The following RBM27 variants were observed in gnomAD, a reference collection of about 807,000 sequenced individuals.
RBM27 encodes RNA binding motif protein 27.
In RBM27, 22 loss-of-function variants were observed where a neutral mutation model predicts 135.3. That is an observed-to-expected ratio of 0.16 (90% CI 0.12 to 0.23). RBM27 has a LOEUF of 0.23. RBM27 is among the 10% of genes least tolerant of loss of function. RBM27 has a pLI of 1.00. For missense variants in RBM27, 1,009 were observed against 1,281.0 expected, an observed-to-expected ratio of 0.79 and a Z score of 3.24; for synonymous variants, 481 against 442.4, an observed-to-expected ratio of 1.09 and a Z score of -1.10.
In RBM27 at chr5:146,214,736, C is replaced by T. The variant is rs147479106; in HGVS notation, c.60-4249C>T. Among the ~76,000 whole-genome samples, 601 of 152,260 alleles carry T rather than the reference C, an allele frequency of 3.9e-3. 3 individuals carry two copies. Among genetic ancestry groups the T allele is most frequent in the Non-Finnish European group, 7.3e-3 (497 of 68,010 alleles). On this transcript the variant is annotated intron_variant, in intron 1 of 20. Coordinates refer to ENST00000265271, the MANE Select transcript of RBM27 (RefSeq NM_018989.2). ...TTTAGACTTATAATTTTCTTCAGAG[C>T]GTACTTTATGGATACATGTTAGGAG...
intron 1 of RBM27, among the ~76,000 whole-genome samples, chr5:146,217,661 G>A (rs1420420276): frequency 6.6e-6 from 1 of 151,690 alleles, no homozygotes; most frequent in African/African-American, 2.4e-5. Flanking sequence ...TATAGAACAA[G>A]ATTAGTTAGA....
chr5:146,232,241 T>A (rs550802617), intron 6 of RBM27, among the ~76,000 whole-genome samples: 1 of 152,306 alleles, frequency 6.6e-6, no homozygotes, highest in African/African-American at 2.4e-5. Flanking sequence ...ATGCATACGT[T>A]TTTACATTTT....
At chr5:146,235,108 C>T (rs1249727833) in intron 7 of RBM27, among the ~76,000 whole-genome samples, 1 of 150,552 alleles carries the variant, frequency 6.6e-6, no homozygotes, top group African/African-American at 2.4e-5. Flanking sequence ...AGAAATATTG[C>T]TGTTCAGTTT....
At position 146,271,511 on chromosome 5, in the gene RBM27, G is replaced by A; in HGVS notation, c.2825G>A (p.Gly942Asp). ...GCACGGTTAGGTATTTTACCTGTGG[G>A]TCGAGGAAAGACCATGTCCTCTCAA... is the stretch of plus-strand genomic sequence containing the variant. The part of the protein sequence containing the change: ...EAARLGILPV[G>D]RGKTMSSQGR... Residue 942 changes from glycine (G) to aspartate (D), a missense_variant, in exon 19 of 21, where the codon GGT becomes GAT. Coordinates refer to ENST00000265271, the MANE Select transcript of RBM27 (RefSeq NM_018989.2). 1 of 1,613,418 alleles carries A rather than the reference G, an allele frequency of 6.2e-7. No homozygotes were observed. Among genetic ancestry groups the A allele is most frequent in the Non-Finnish European group, 8.5e-7 (1 of 1,179,552 alleles).
rs145089905 is a variant in RBM27, at chr5:146,281,375, A to ATGTC, written c.2989-3245_2989-3242dup. On this transcript the variant is annotated intron_variant, in intron 19 of 20. Transcript: ENST00000265271. ...GAATCAGTAACATATATTAAATAAG[A>ATGTC]TGTCTTTCAACAGAAACACATAAAA... Among the ~76,000 whole-genome samples, 1,313 of 152,266 alleles carry ATGTC rather than the reference A, an allele frequency of 8.6e-3. 21 individuals are homozygous for ATGTC. Among genetic ancestry groups the ATGTC allele is most frequent in the African/African-American group, 0.029 (1,191 of 41,550 alleles).
chr5:146,259,336 A>AG (rs1410162215), intron 11 of RBM27, among the ~76,000 whole-genome samples: 1 of 150,892 alleles, frequency 6.6e-6, no homozygotes, highest in Admixed American at 6.6e-5. Flanking sequence ...ACCAAAATGG[A>AG]GAAAGCCAAA....
chr5:146,253,515 A>T (rs1222741943), intron 9 of RBM27, among the ~76,000 whole-genome samples: 1 of 152,032 alleles, frequency 6.6e-6, no homozygotes, highest in Non-Finnish European at 1.5e-5. Context: ...TAATCTAGTG[A>T]TGCCTTTTTT....
intron 19 of RBM27, among the ~76,000 whole-genome samples, chr5:146,276,455 C>T (rs186912273): frequency 1.3e-5 from 2 of 152,256 alleles, no homozygotes; most frequent in East Asian, 3.9e-4. Context: ...CCTCTAATGT[C>T]TCACTCCTGT....
intron 8 of RBM27, among the ~76,000 whole-genome samples, chr5:146,242,939 A>C (rs1050120951): frequency 6.6e-6 from 1 of 152,050 alleles, no homozygotes; most frequent in Admixed American, 6.6e-5. Context: ...ATTTCTAATA[A>C]GTTTTTAATA....
chr5:146,280,134 C>T (rs1030085160), intron 19 of RBM27, among the ~76,000 whole-genome samples: 1 of 151,868 alleles, frequency 6.6e-6, no homozygotes, highest in Non-Finnish European at 1.5e-5. Context: ...TCTCAGCTCA[C>T]TGCAACCTCC....
chr5:146,228,954 G>A lies in RBM27; in HGVS notation c.312G>A (p.Gln104=), dbSNP rs1312205388. Residue 104 remains glutamine (Q), a synonymous_variant, in exon 4 of 21, where the codon CAG becomes CAA. Transcript: ENST00000265271. ...TCAATATTTTCATATAGGTATTTCA[G>A]GAGCCAGCAGAGGAAGAACGAGATG... The part of the protein sequence containing the change: ...EKEEIKEEVF[Q]EPAEEERDGR... The A allele has an allele frequency of 6.2e-7, 1 of 1,612,788 alleles. No homozygotes were observed. The highest frequency in any genetic ancestry group is 8.5e-7 in the Non-Finnish European group (1 of 1,179,278).
chr5:146,208,241 A>G (rs1311493505), intron 1 of RBM27, among the ~76,000 whole-genome samples: 1 of 152,230 alleles, frequency 6.6e-6, no homozygotes, highest in Non-Finnish European at 1.5e-5. Flanking sequence ...GGCGTGAGCC[A>G]CTGCGCCCGG....
intron 8 of RBM27, among the ~76,000 whole-genome samples, chr5:146,242,951 T>A (rs1248429924): frequency 6.6e-6 from 1 of 152,130 alleles, no homozygotes; most frequent in Non-Finnish European, 1.5e-5. Context: ...TTTTTAATAT[T>A]TTTCTATTCA....
rs757282910 is a variant in RBM27 at position 146,223,505 on chromosome 5, A to T, written c.281A>T (p.Glu94Val). 23 of 1,605,918 alleles carry T rather than the reference A, an allele frequency of 1.4e-5. No individual in the cohort carries two copies. The highest frequency in any genetic ancestry group is 1.9e-5 in the Non-Finnish European group (22 of 1,177,444). The change falls in exon 3 of 21, where the codon GAA becomes GTA. Residue 94 changes from glutamate (E) to valine (V), a missense_variant. By Grantham distance (121) the Glu-to-Val change is moderately radical. Coordinates refer to ENST00000265271, the MANE Select transcript of RBM27 (RefSeq NM_018989.2). ...VKPEPKPLVQEKEEIKEEVFQ... is the reference protein window; with the variant it reads ...VKPEPKPLVQVKEEIKEEVFQ... ...CCTGAGCCAAAACCACTAGTCCAAG[A>T]AAAAGAAGAAATTAAAGAAGAGGTA...
Position 146,251,740 on chromosome 5 carries a change from G to A in RBM27, c.1309G>A (p.Ala437Thr), listed in dbSNP as rs1172315105. The part of the protein sequence containing the change: ...RQPMYSREHG[A>T]AASERLQLGT... ...GCCCATGTACTCTCGTGAACATGGT[G>A]CTGCTGCATCTGAGCGACTTCAGTT... The change falls in exon 9 of 21, where the codon GCT (alanine) becomes ACT (threonine). Residue 437 changes from alanine (A) to threonine (T), a missense_variant. Ala to Thr is a moderately conservative substitution (Grantham distance 58, BLOSUM62 0). This residue lies in a region of RBM27 where 329 missense variants were observed against 368.1 expected (regional missense o/e 0.89). Coordinates refer to ENST00000265271, the MANE Select transcript of RBM27 (RefSeq NM_018989.2). The A allele has an allele frequency of 8.7e-6, 14 of 1,612,844 alleles. No individual in the cohort carries two copies. Among genetic ancestry groups the A allele is most frequent in the Non-Finnish European group, 1.2e-5 (14 of 1,178,972 alleles).
intron 1 of RBM27, among the ~76,000 whole-genome samples, chr5:146,214,863 A>G (rs1045999666): frequency 3.9e-5 from 6 of 152,132 alleles, no homozygotes; most frequent in Admixed American, 1.3e-4. Context: ...CCTCACATTA[A>G]ACAAATGTTT....
intron 2 of RBM27, among the ~76,000 whole-genome samples, chr5:146,221,296 T>C (rs918109141): frequency 6.6e-6 from 1 of 152,214 alleles, no homozygotes; most frequent in Non-Finnish European, 1.5e-5. Flanking sequence ...ATCACTGTTA[T>C]CAGCTTGTGT....
chr5:146,258,066 G>A (rs925988515), intron 10 of RBM27, among the ~76,000 whole-genome samples: 24 of 151,984 alleles, frequency 1.6e-4, no homozygotes, highest in Non-Finnish European at 2.4e-4. Flanking sequence ...TGATCCGCCC[G>A]CCTCGGCCTC....
intron 19 of RBM27, among the ~76,000 whole-genome samples, chr5:146,273,194 C>CA (rs1758943631): frequency 6.6e-6 from 1 of 152,092 alleles, no homozygotes; most frequent in Non-Finnish European, 1.5e-5. Flanking sequence ...GTTTCAGTTA[C>CA]AAAAAATAGT....
Sources: allele counts gnomAD v4.1 joint callset (sites outside exome capture counted in the v4.1 genomes callset), GRCh38; gene constraint gnomAD v4.1.1; regional missense constraint gnomAD v4.1.1; transcripts MANE v1.5; gene names NCBI Gene and HGNC (gene_info 2026-07-23, HGNC 2026-07-21).